Variants in EGFLAM observed in about 807,000 individuals in gnomAD.
EGFLAM encodes pikachurin.
A neutral mutation model predicts 113.1 loss-of-function variants in EGFLAM; 79 were observed. That is an observed-to-expected ratio of 0.70 (90% confidence interval 0.58 to 0.84). The LOEUF (loss-of-function observed/expected upper bound fraction) is 0.84, where lower values mean the gene tolerates loss of function less well. EGFLAM is among the 40% of genes least tolerant of loss of function. EGFLAM has a pLI of 0.00. For missense variants in EGFLAM, 1,265 were observed against 1,291.6 expected (o/e 0.98, Z 0.32); for synonymous variants, 504 against 487.6 (o/e 1.03, Z -0.44).
At chr5:38,312,018 C>T (rs1182290757) in intron 1 of EGFLAM, among the ~76,000 whole-genome samples, 2 of 152,122 alleles carry the variant, frequency 1.3e-5, no homozygotes, top group Admixed American at 6.6e-5. Flanking sequence ...GCCCTGTAAC[C>T]ATCGTCATTT....
chr5:38,288,817 C>T (rs1241130136), intron 1 of EGFLAM, among the ~76,000 whole-genome samples: 1 of 152,236 alleles, frequency 6.6e-6, no homozygotes, highest in Admixed American at 6.5e-5. Flanking sequence ...AACTGCTTCT[C>T]TGGCTCTGTA....
At chr5:38,377,838 G>A (rs1740405310) in intron 6 of EGFLAM, among the ~76,000 whole-genome samples, 1 of 152,210 alleles carries the variant, frequency 6.6e-6, no homozygotes, top group African/African-American at 2.4e-5. Flanking sequence ...AGTACAGTTT[G>A]CTGATAGCGG....
chr5:38,427,313 A>C (rs1031212491), intron 14 of EGFLAM, 61 bp downstream of exon 14: 2 of 1,577,492 alleles, frequency 1.3e-6, no homozygotes. Flanking sequence ...ACTGCTTCAG[A>C]AAAAAACCAA....
intron 1 of EGFLAM, among the ~76,000 whole-genome samples, chr5:38,282,975 C>T (rs1335551610): frequency 6.6e-6 from 1 of 152,158 alleles, no homozygotes; most frequent in Non-Finnish European, 1.5e-5. Flanking sequence ...CCCCAGCCCC[C>T]TGAATAGCTG....
At chr5:38,354,897 G>A (rs1739726866) in intron 5 of EGFLAM, among the ~76,000 whole-genome samples, 1 of 152,110 alleles carries the variant, frequency 6.6e-6, no homozygotes, top group Admixed American at 6.5e-5. Flanking sequence ...TTAACCTTGT[G>A]TGCACACCTG....
Position 38,406,162 on chromosome 5 carries a change from G to A in EGFLAM, c.749G>A (p.Arg250His), listed in dbSNP as rs776179036. ...GCGGGAAGTGGCCGCTATGGACCCC[G>A]TTATATCACCGACATGGGAGCTGGT... ...EEAGSGRYGP[R>H]YITDMGAGED... Residue 250 changes from arginine (R) to histidine (H), a missense_variant, in exon 7 of 22, where the codon CGT becomes CAT. Physicochemically the swap from Arg to His is conservative, Grantham distance 29. Coordinates refer to ENST00000322350, the MANE Select transcript of EGFLAM (RefSeq NM_152403.4). The A allele has an allele frequency of 8.7e-6, 14 of 1,613,990 alleles. No individual in the cohort carries two copies. Among genetic ancestry groups the A allele is most frequent in the African/African-American group, 5.3e-5 (4 of 74,896 alleles).
intron 1 of EGFLAM, among the ~76,000 whole-genome samples, chr5:38,289,475 G>T (rs1041339060): frequency 1.3e-5 from 2 of 152,192 alleles, no homozygotes; most frequent in Non-Finnish European, 2.9e-5. Context: ...CACTGCCATG[G>T]TAGATTATAA....
At chr5:38,405,303 C>A (rs781292273) in intron 6 of EGFLAM, among the ~76,000 whole-genome samples, 2 of 152,056 alleles carry the variant, frequency 1.3e-5, no homozygotes, top group Non-Finnish European at 2.9e-5. Flanking sequence ...CATTCACATC[C>A]CTTTTCTATC....
chr5:38,430,955 C>G (rs945771388), intron 14 of EGFLAM, among the ~76,000 whole-genome samples: 4 of 152,154 alleles, frequency 2.6e-5, no homozygotes, highest in African/African-American at 9.7e-5. Context: ...GCACTTCCCC[C>G]CTCCTCTTCC....
At chr5:38,287,360 G>T (rs1348181598) in intron 1 of EGFLAM, among the ~76,000 whole-genome samples, 2 of 152,150 alleles carry the variant, frequency 1.3e-5, no homozygotes, top group Non-Finnish European at 2.9e-5. Flanking sequence ...TAGGTTCAAT[G>T]CAGCCCTCCT....
chr5:38,338,531 A>G (rs1319032249), intron 2 of EGFLAM, among the ~76,000 whole-genome samples, 167 bp from the exon 3 acceptor site: 4 of 151,848 alleles, frequency 2.6e-5, no homozygotes, highest in Non-Finnish European at 5.9e-5. Context: ...AGTTTGCAAC[A>G]CCCCCCACCC....
chr5:38,317,030 G>T (rs562854918), intron 1 of EGFLAM, among the ~76,000 whole-genome samples: 1 of 152,120 alleles, frequency 6.6e-6, no homozygotes, highest in Non-Finnish European at 1.5e-5. Context: ...GATCCTGGAA[G>T]TAATTGGAAA....
chr5:38,332,446 C>G (rs547710635), intron 1 of EGFLAM, among the ~76,000 whole-genome samples: 53 of 152,142 alleles, frequency 3.5e-4, no homozygotes, highest in Non-Finnish European at 5.6e-4. Flanking sequence ...CCACTCTCCC[C>G]CATCAAGTAG....
At chr5:38,354,287 C>A (rs1031940144) in intron 5 of EGFLAM, among the ~76,000 whole-genome samples, 2 of 152,072 alleles carry the variant, frequency 1.3e-5, no homozygotes, top group Non-Finnish European at 2.9e-5. Flanking sequence ...GGTTCCAATA[C>A]TGGTAAAATG....
At chr5:38,351,073 G>A (rs1238126368) in intron 4 of EGFLAM, among the ~76,000 whole-genome samples, 3 of 151,914 alleles carry the variant, frequency 2.0e-5, no homozygotes, top group Non-Finnish European at 4.4e-5. Context: ...TTTTGTGGAA[G>A]GAGAAGCCAA....
At chr5:38,393,393 A>G (rs992851231) in intron 6 of EGFLAM, among the ~76,000 whole-genome samples, 6 of 152,154 alleles carry the variant, frequency 3.9e-5, no homozygotes, top group Non-Finnish European at 7.4e-5. Flanking sequence ...GAGACAGGTT[A>G]GTTCCCTCAA....
chr5:38,321,180 G>A (rs1738729755), intron 1 of EGFLAM, among the ~76,000 whole-genome samples: 2 of 152,142 alleles, frequency 1.3e-5, no homozygotes, highest in Non-Finnish European at 2.9e-5. Context: ...TGGGGGTGAT[G>A]GGAGAAAGTG....
At chr5:38,279,372 T>C (rs1388578897) in intron 1 of EGFLAM, among the ~76,000 whole-genome samples, 1 of 152,256 alleles carries the variant, frequency 6.6e-6, no homozygotes, top group South Asian at 2.1e-4. Context: ...TGGGCATATA[T>C]CAAAAGGAAA....
At chr5:38,296,776 C>T (rs984208469) in intron 1 of EGFLAM, among the ~76,000 whole-genome samples, 5 of 151,564 alleles carry the variant, frequency 3.3e-5, no homozygotes, top group Non-Finnish European at 5.9e-5. Context: ...TTTCCACTTG[C>T]CAGTGGAGTG....
Sources: gnomAD v4.1 joint callset for allele counts (sites outside exome capture counted in the v4.1 genomes callset) on GRCh38, gnomAD v4.1.1 for gene constraint, MANE v1.5 for transcripts, NCBI Gene and HGNC (gene_info 2026-07-23, HGNC 2026-07-21) for gene names.